DENND5B: variants seen among roughly 807,000 people sequenced by gnomAD.
DENND5B encodes DENN domain containing 5B.
In DENND5B, 34 loss-of-function variants were observed where a neutral mutation model predicts 140.6. The ratio of observed to expected loss-of-function variants is 0.24; its 90% CI spans 0.18 to 0.32. The LOEUF is 0.32. Among genes scored for constraint, DENND5B ranks in the 10% least tolerant of loss-of-function variants. The pLI is 1.00. For synonymous variants in DENND5B, 551 were observed against 562.1 expected, an observed-to-expected ratio of 0.98 and a Z score of 0.28; for missense variants, 1,142 against 1,560.2, an observed-to-expected ratio of 0.73 and a Z score of 4.52.
chr12:31,523,057 T>G (rs993115947), intron 1 of DENND5B, among the ~76,000 whole-genome samples: 3 of 147,556 alleles, frequency 2.0e-5, no homozygotes, highest in Non-Finnish European at 4.5e-5. Context: ...GCCTTTTTTT[T>G]TCCTTTTTTT....
At chr12:31,584,516 A>C (rs188388752) in intron 1 of DENND5B, among the ~76,000 whole-genome samples, 42 of 152,354 alleles carry the variant, frequency 2.8e-4, no homozygotes, top group African/African-American at 1.0e-3. Context: ...TGGGTAGTCT[A>C]TAAAGAAATG....
chr12:31,504,904 G>A (rs1358771985), intron 1 of DENND5B, among the ~76,000 whole-genome samples: 2 of 152,156 alleles, frequency 1.3e-5, no homozygotes, highest in Admixed American at 6.5e-5. Flanking sequence ...ATGCAAAGGA[G>A]GCCTTAAAAG....
rs776920776 is a variant in DENND5B at position 31,424,736 on chromosome 12, A to C, written c.2239-49T>G. The C allele has an allele frequency of 5.0e-6, 8 of 1,588,320 alleles. No homozygotes were observed. The East Asian group carries it at 1.4e-4, about 27-fold the overall frequency. ...AAGGCACCCCAGCAGTGAAACCAAAAACCAACAAGTCAATTACTAAAGTAG... is the reference window on the plus strand; with the variant it reads ...AAGGCACCCCAGCAGTGAAACCAAACACCAACAAGTCAATTACTAAAGTAG... On this transcript the variant is annotated intron_variant, in intron 9 of 20. Coordinates refer to ENST00000389082, the MANE Select transcript of DENND5B (RefSeq NM_144973.4).
At chr12:31,429,712 T>G (rs71455665) in intron 8 of DENND5B, among the ~76,000 whole-genome samples, 1 of 150,112 alleles carries the variant, frequency 6.7e-6, no homozygotes, top group Non-Finnish European at 1.5e-5. Context: ...CCCTGCCTGG[T>G]TTTTTTTGTT....
chr12:31,402,871 A>G (rs1941883365), intron 14 of DENND5B, among the ~76,000 whole-genome samples: 1 of 152,184 alleles, frequency 6.6e-6, no homozygotes, highest in Admixed American at 6.5e-5. Context: ...CACAGCATGT[A>G]TATCATCATG....
At chr12:31,422,245 C>A (rs1167520542) in intron 11 of DENND5B, among the ~76,000 whole-genome samples, 34 of 133,262 alleles carry the variant, frequency 2.6e-4, no homozygotes, top group African/African-American at 9.4e-4. Flanking sequence ...CAGTGAAACC[C>A]CGTCTCTACT....
At chr12:31,441,761 T>G (rs534986752) in intron 7 of DENND5B, among the ~76,000 whole-genome samples, 1 of 152,230 alleles carries the variant, frequency 6.6e-6, no homozygotes, top group South Asian at 2.1e-4. Flanking sequence ...CAATCACGGC[T>G]CACCGTAGCC....
chr12:31,579,800 GGAGAGAA>G (rs1218154645), intron 1 of DENND5B, among the ~76,000 whole-genome samples: 136 of 148,766 alleles, frequency 9.1e-4, no homozygotes, highest in Admixed American at 2.0e-3. Context: ...GAGGGAGGGA[GGAGAGAA>G]GAGAGAAGAG....
intron 19 of DENND5B, among the ~76,000 whole-genome samples, chr12:31,392,065 G>C (rs1941175117): frequency 6.6e-6 from 1 of 151,346 alleles, no homozygotes; most frequent in South Asian, 2.1e-4. Flanking sequence ...TTTGAACCTG[G>C]GAGGCGGAGG....
At chr12:31,460,656 G>A (rs1157299886) in intron 3 of DENND5B, among the ~76,000 whole-genome samples, 1 of 152,186 alleles carries the variant, frequency 6.6e-6, no homozygotes, top group African/African-American at 2.4e-5. Flanking sequence ...CTCTTAAAGT[G>A]TGGAGGAATC....
intron 3 of DENND5B, among the ~76,000 whole-genome samples, chr12:31,461,548 G>C (rs1945020840): frequency 6.6e-6 from 1 of 152,112 alleles, no homozygotes; most frequent in African/African-American, 2.4e-5. Flanking sequence ...TTTTAATTTA[G>C]AAAAGCAGTA....
In DENND5B at chr12:31,475,037, A is replaced by T. The variant is rs558458625; in HGVS notation, c.904+4552T>A. On this transcript the variant is annotated intron_variant, in intron 3 of 20. Transcript: ENST00000389082. ...AAAAGACTGATGAAACCCAATTCTT[A>T]GTAGTACTACATTACTTACTAGCTG... 1.2e-4 allele frequency among the ~76,000 whole-genome samples: 19 copies of T among 152,322 alleles called. No individual in the cohort carries two copies. In the East Asian group the frequency reaches 3.7e-3, roughly 29 times the overall value.
In DENND5B at chr12:31,480,266, A is replaced by C; in HGVS notation, c.238-11T>G. 6.7e-7 allele frequency: 1 copy of C among 1,482,364 alleles called. No individual in the cohort carries two copies. The highest frequency in any genetic ancestry group is 1.4e-5 in the South Asian group (1 of 72,950). 91.8% of individuals were successfully genotyped at this position (1,482,364 alleles called of 1,614,324 possible). A position where few individuals can be genotyped will look rare whatever the true frequency, so the allele number is the denominator to read the frequency against. On this transcript the variant is annotated splice_polypyrimidine_tract_variant and intron_variant, in intron 2 of 20. Transcript: ENST00000389082. ...TTTAGGCATGCACAACTGTGAAAGA[A>C]AGAAAAAAAAAAATCAGAATGCAGT... is the stretch of plus-strand genomic sequence containing the variant.
At chr12:31,542,231 T>C (rs1948701590) in intron 1 of DENND5B, among the ~76,000 whole-genome samples, 1 of 147,616 alleles carries the variant, frequency 6.8e-6, no homozygotes, top group South Asian at 2.1e-4. Context: ...GAGGTTGCAG[T>C]GAGCCGAGAT....
intron 17 of DENND5B, among the ~76,000 whole-genome samples, chr12:31,395,258 C>T (rs996665724): frequency 4.6e-5 from 7 of 152,130 alleles, no homozygotes; most frequent in Non-Finnish European, 4.4e-5. Context: ...AATGCATGAG[C>T]TTTCTGTTAC....
chr12:31,503,436 T>C (rs1947085196), intron 1 of DENND5B, among the ~76,000 whole-genome samples: 1 of 152,100 alleles, frequency 6.6e-6, no homozygotes, highest in African/African-American at 2.4e-5. Context: ...GGCAGGTGCT[T>C]GTAGTCCCAG....
chr12:31,512,388 T>G (rs1282013336), intron 1 of DENND5B, among the ~76,000 whole-genome samples: 1 of 18,398 alleles, frequency 5.4e-5, no homozygotes, highest in Non-Finnish European at 1.0e-4. Context: ...CTGGCTAATT[T>G]TTTTTTTTTT....
At chr12:31,584,268 T>C (rs906614275) in intron 1 of DENND5B, among the ~76,000 whole-genome samples, 5 of 152,194 alleles carry the variant, frequency 3.3e-5, no homozygotes, top group Non-Finnish European at 7.4e-5. Context: ...AAAGACACTA[T>C]GTCTCACCCT....
intron 5 of DENND5B, 141 bp downstream of exon 5, chr12:31,451,799 A>G: frequency 2.0e-6 from 2 of 1,010,988 alleles, no homozygotes; most frequent in Non-Finnish European, 2.8e-6. Context: ...CTGGAAGACA[A>G]AAAGTCTGCA....
Sources: allele counts gnomAD v4.1 joint callset (sites outside exome capture counted in the v4.1 genomes callset), GRCh38; gene constraint gnomAD v4.1.1; transcripts MANE v1.5; gene names NCBI Gene and HGNC (gene_info 2026-07-23, HGNC 2026-07-21).